FAF1: variants seen among roughly 807,000 people sequenced by gnomAD.
The protein encoded by FAF1 is FAS-associated factor 1.
FAF1 carries 25 observed loss-of-function variants against 92.5 expected under a neutral mutation model. The observed-to-expected ratio is 0.27, with a 90% confidence interval of 0.20 to 0.38. The LOEUF (loss-of-function observed/expected upper bound fraction) is 0.38, where lower values mean the gene tolerates loss of function less well. Ranked by LOEUF, FAF1 falls within the 10% of genes least tolerant of loss-of-function variation. FAF1 has a pLI of 1.00. For synonymous variants in FAF1, 234 were observed against 273.2 expected, an observed-to-expected ratio of 0.86 and a Z score of 1.42; for missense variants, 636 against 793.3, an observed-to-expected ratio of 0.80 and a Z score of 2.38.
chr1:50,580,717 G>A (rs2149064844), intron 12 of FAF1, among the ~76,000 whole-genome samples: 1 of 152,186 alleles, frequency 6.6e-6, no homozygotes, highest in East Asian at 1.9e-4. Flanking sequence ...TATGCAAAGA[G>A]CATAACAAAG....
intron 13 of FAF1, among the ~76,000 whole-genome samples, chr1:50,566,069 G>A (rs7544254): frequency 2.0e-5 from 3 of 152,014 alleles, no homozygotes; most frequent in African/African-American, 4.8e-5. Flanking sequence ...AAGGCAAAAC[G>A]AAGTCATCTC....
intron 17 of FAF1, 55 bp downstream of exon 17, chr1:50,490,533 T>C (rs535724180): frequency 1.8e-6 from 2 of 1,115,932 alleles, no homozygotes; most frequent in African/African-American, 3.2e-5. Flanking sequence ...GTTAACAGCT[T>C]CAGTATCAAA....
intron 4 of FAF1, among the ~76,000 whole-genome samples, chr1:50,773,940 TAC>T (rs1660862502): frequency 6.6e-6 from 1 of 152,198 alleles, no homozygotes; most frequent in African/African-American, 2.4e-5. Context: ...CTCATAAACA[TAC>T]ACACTTATTA....
intron 2 of FAF1, among the ~76,000 whole-genome samples, chr1:50,835,084 A>T (rs1043605031): frequency 7.9e-5 from 12 of 152,224 alleles, no homozygotes; most frequent in Non-Finnish European, 5.9e-5. Context: ...AGAGTAGCAC[A>T]GATGTGAGGA....
intron 1 of FAF1, among the ~76,000 whole-genome samples, chr1:50,958,097 A>T (rs1645284088): frequency 6.6e-6 from 1 of 152,182 alleles, no homozygotes; most frequent in Non-Finnish European, 1.5e-5. Flanking sequence ...GGAGTTCAAG[A>T]CCAGCCTGGG....
intron 1 of FAF1, among the ~76,000 whole-genome samples, chr1:50,861,147 T>C (rs1644428937): frequency 6.6e-6 from 1 of 151,832 alleles, no homozygotes; most frequent in Non-Finnish European, 1.5e-5. Context: ...GATCATTTCA[T>C]ACCTCAAGCA....
chr1:50,678,776 C>CAAAAAA lies in FAF1; in HGVS notation c.658-23254_658-23249dup, dbSNP rs58946586. ...GACTGGTGACAGAGAGACTCCATCT[C>CAAAAAA]AAAAAAAAAAAAAAAAAAAAAAAAA... is the stretch of plus-strand genomic sequence containing the variant. On this transcript the variant is annotated intron_variant, in intron 7 of 18. Transcript: ENST00000396153. Among the ~76,000 whole-genome samples the CAAAAAA allele has an allele frequency of 2.2e-4, 3 of 13,938 alleles. 1 individual carries two copies. The highest frequency in any genetic ancestry group is 3.0e-4 in the Non-Finnish European group (2 of 6,744). 9.1% of individuals were successfully genotyped at this position (13,938 alleles called of 152,430 possible).
intron 7 of FAF1, among the ~76,000 whole-genome samples, chr1:50,689,913 A>C (rs1290294714): frequency 1.3e-5 from 2 of 152,190 alleles, no homozygotes; most frequent in African/African-American, 4.8e-5. Context: ...TTAAGATTTA[A>C]ACAGACTCTC....
intron 1 of FAF1, among the ~76,000 whole-genome samples, chr1:50,880,651 C>A (rs753479017): frequency 6.6e-6 from 1 of 152,192 alleles, no homozygotes; most frequent in Non-Finnish European, 1.5e-5. Flanking sequence ...AAACATTGAT[C>A]GTGGACTTCT....
chr1:50,584,540 T>A, intron 10 of FAF1, 145 bp downstream of exon 10: 3 of 693,680 alleles, frequency 4.3e-6, no homozygotes, highest in African/African-American at 1.8e-5. Context: ...AGGCTCTGGT[T>A]CTAATGAAGA....
At chr1:50,724,929 T>A (rs1361785039) in intron 6 of FAF1, among the ~76,000 whole-genome samples, 3 of 152,170 alleles carry the variant, frequency 2.0e-5, no homozygotes, top group Admixed American at 2.0e-4. Context: ...ACTGCATCAG[T>A]CCATCAGGCT....
At chr1:50,631,996 T>G (rs1338001540) in intron 8 of FAF1, among the ~76,000 whole-genome samples, 1 of 152,202 alleles carries the variant, frequency 6.6e-6, no homozygotes, top group Non-Finnish European at 1.5e-5. Flanking sequence ...CAGATGTACA[T>G]GTATATGAAA....
intron 5 of FAF1, among the ~76,000 whole-genome samples, chr1:50,742,565 G>A (rs1252527615): frequency 2.6e-5 from 4 of 152,206 alleles, no homozygotes; most frequent in African/African-American, 9.6e-5. Flanking sequence ...TATATTTTTA[G>A]TAGAGACAGG....
intron 4 of FAF1, among the ~76,000 whole-genome samples, chr1:50,761,368 A>G (rs900883764): frequency 3.9e-5 from 6 of 152,272 alleles, no homozygotes; most frequent in South Asian, 2.1e-4. Flanking sequence ...TACCAAAGCC[A>G]GGCAGAGACA....
intron 8 of FAF1, among the ~76,000 whole-genome samples, chr1:50,600,604 ATAATAT>A (rs1652061212): frequency 6.6e-6 from 1 of 152,170 alleles, no homozygotes; most frequent in African/African-American, 2.4e-5. Context: ...GTATCAAAGA[ATAATAT>A]CTATAATTAT....
intron 9 of FAF1, among the ~76,000 whole-genome samples, chr1:50,591,182 C>T (rs1477284420): frequency 6.6e-5 from 10 of 152,052 alleles, no homozygotes; most frequent in African/African-American, 9.7e-5. Context: ...CAGATGATGA[C>T]GTGTTTTTTT....
chr1:50,927,994 T>C (rs1264095986), intron 1 of FAF1, among the ~76,000 whole-genome samples: 1 of 152,258 alleles, frequency 6.6e-6, no homozygotes, highest in Non-Finnish European at 1.5e-5. Flanking sequence ...TGTTCTTTGC[T>C]GAGTATTATG....
At chr1:50,827,581 C>T (rs1570014813) in intron 2 of FAF1, among the ~76,000 whole-genome samples, 1 of 151,938 alleles carries the variant, frequency 6.6e-6, no homozygotes, top group Non-Finnish European at 1.5e-5. Flanking sequence ...TATCCTATGA[C>T]CCTGCCACAT....
At chr1:50,590,183 G>C (rs562919988) in intron 9 of FAF1, among the ~76,000 whole-genome samples, 69 of 152,264 alleles carry the variant, frequency 4.5e-4, no homozygotes, top group Non-Finnish European at 9.0e-4. Flanking sequence ...TTTTGGATAA[G>C]TTTTTCTATT....
Sources: gnomAD v4.1 joint callset for allele counts (sites outside exome capture counted in the v4.1 genomes callset) on GRCh38, gnomAD v4.1.1 for gene constraint, MANE v1.5 for transcripts, NCBI Gene and HGNC (gene_info 2026-07-23, HGNC 2026-07-21) for gene names.